Variants in CAPS2 observed in about 807,000 individuals in gnomAD.
The protein encoded by CAPS2 is calcyphosine 2, also known as calcyphosin-2.
In CAPS2, 98 loss-of-function variants were observed where a neutral mutation model predicts 86.5. The ratio of observed to expected loss-of-function variants is 1.13; its 90% CI spans 0.96 to 1.34. CAPS2 has a LOEUF of 1.34. Among genes scored for constraint, CAPS2 ranks in the 40% most tolerant of loss-of-function variants. CAPS2 has a pLI of 0.00. For missense variants in CAPS2, 729 were observed against 686.8 expected (o/e 1.06, Z -0.69); for synonymous variants, 210 against 225.1 (o/e 0.93, Z 0.60).
rs550257054 is a variant in CAPS2, at chr12:75,300,677, G to C, written c.780-766C>G. Among the ~76,000 whole-genome samples the C allele has an allele frequency of 1.4e-3, 209 of 151,200 alleles. No individual in the cohort carries two copies. In the Middle Eastern group the frequency reaches 0.042, roughly 30 times the overall value. Reference sequence around the variant, plus strand: ...GAAAGACTTTCTTTTGTCCTGGTAAGAGAGTGGCATGAGAAGAGTTCCTGC... The same window carrying C: ...GAAAGACTTTCTTTTGTCCTGGTAACAGAGTGGCATGAGAAGAGTTCCTGC... On this transcript the variant is annotated intron_variant, in intron 8 of 16. Coordinates refer to ENST00000393284, the Ensembl canonical transcript of CAPS2.
chr12:75,335,467 G>T (rs550292618), intron 1 of CAPS2, among the ~76,000 whole-genome samples: 2 of 152,266 alleles, frequency 1.3e-5, no homozygotes, highest in South Asian at 4.1e-4. Context: ...TGAATTGTAT[G>T]ATTGGAAATT....
At chr12:75,318,231 G>A (rs1279851142) in intron 5 of CAPS2, 1 of 151,970 alleles carries the variant, frequency 6.6e-6, no homozygotes, top group Non-Finnish European at 1.5e-5. Flanking sequence ...TCAACAATAT[G>A]ACTTTGTGAG....
At chr12:75,371,573 A>C (rs2139716508) in intron 1 of CAPS2, 1 of 207,596 alleles carries the variant, frequency 4.8e-6, no homozygotes, top group South Asian at 5.4e-5. Flanking sequence ...ATAATCTCCA[A>C]ATAAAGACAA....
chr12:75,312,913 T>C (rs1289707881), exon 7 of CAPS2: 1 of 1,599,726 alleles, frequency 6.3e-7, no homozygotes, highest in African/African-American at 1.3e-5. Flanking sequence ...CAGCCACAAT[T>C]TCCTGGGAAG....
At chr12:75,360,780 TTTCTTTCCACACTGCCCTAG>T (rs949474040) in intron 1 of CAPS2, 2 of 152,150 alleles carry the variant, frequency 1.3e-5, no homozygotes, top group Non-Finnish European at 2.9e-5. Flanking sequence ...AACCCCACCT[TTTCTTTCCACACTGCCCTAG>T]TAGAGGTTCT....
chr12:75,280,670 T>G (rs1215127601), intron 16 of CAPS2, among the ~76,000 whole-genome samples: 1 of 151,866 alleles, frequency 6.6e-6, no homozygotes, highest in Non-Finnish European at 1.5e-5. Flanking sequence ...CTAGCAACAA[T>G]TAAACATACA....
intron 11 of CAPS2, chr12:75,295,119 G>A (rs548045702): frequency 9.2e-5 from 14 of 152,238 alleles, no homozygotes; most frequent in Admixed American, 2.6e-4. Context: ...GTGTAACAGC[G>A]AGACCATGTC....
At chr12:75,336,476 T>C (rs935949326) in intron 1 of CAPS2, among the ~76,000 whole-genome samples, 3 of 151,760 alleles carry the variant, frequency 2.0e-5, no homozygotes, top group Non-Finnish European at 4.4e-5. Context: ...AAAAAATACA[T>C]TATGCAAACT....
downstream of CAPS2, chr12:75,276,558 A>G (rs755851235): frequency 3.3e-5 from 32 of 978,868 alleles, no homozygotes; most frequent in Non-Finnish European, 3.8e-5. Flanking sequence ...GTTTAACTAT[A>G]ATGTGATTGC....
intron 1 of CAPS2, among the ~76,000 whole-genome samples, chr12:75,348,543 TTTCTC>T (rs1244296391): frequency 1.3e-5 from 2 of 152,226 alleles, no homozygotes; most frequent in Admixed American, 6.5e-5. Context: ...ATTATCATCT[TTTCTC>T]TTAAGGAGAC....
intron 4 of CAPS2, chr12:75,322,846 A>C (rs1394428648): frequency 8.5e-6 from 5 of 590,296 alleles, no homozygotes; most frequent in Non-Finnish European, 1.5e-5. Flanking sequence ...ACAAGTAAAA[A>C]TTATTTCACC....
chr12:75,319,467 G>A (rs996483215), intron 5 of CAPS2, among the ~76,000 whole-genome samples: 9 of 151,950 alleles, frequency 5.9e-5, no homozygotes, highest in Admixed American at 1.3e-4. Context: ...TTGATCTTCC[G>A]TCATAAGTAA....
At chr12:75,337,731 C>T (rs182633244) in intron 1 of CAPS2, among the ~76,000 whole-genome samples, 147 of 151,958 alleles carry the variant, frequency 9.7e-4, no homozygotes, top group African/African-American at 3.1e-3. Context: ...TATTACATTC[C>T]GTACTATGTG....
At chr12:75,372,509 A>G (rs1593890647) in intron 1 of CAPS2, among the ~76,000 whole-genome samples, 1 of 152,142 alleles carries the variant, frequency 6.6e-6, no homozygotes, top group East Asian at 1.9e-4. Flanking sequence ...GCAGAACGTA[A>G]TGTCATGGGA....
At chr12:75,290,584 G>A (rs868859063) in intron 13 of CAPS2, among the ~76,000 whole-genome samples, 4 of 152,178 alleles carry the variant, frequency 2.6e-5, no homozygotes, top group African/African-American at 9.6e-5. Flanking sequence ...CTTACTGTGA[G>A]CCCCTTATCT....
upstream of CAPS2, chr12:75,329,805 C>T: frequency 7.8e-6 from 12 of 1,529,434 alleles, no homozygotes; most frequent in Non-Finnish European, 9.7e-6. Flanking sequence ...TCCCCCTGCT[C>T]CCAAATTATA....
chr12:75,372,402 G>A (rs2044417831), intron 1 of CAPS2, among the ~76,000 whole-genome samples: 1 of 152,200 alleles, frequency 6.6e-6, no homozygotes, highest in Non-Finnish European at 1.5e-5. Flanking sequence ...GGAGCCCAGA[G>A]TAACCAGGTG....
Position 75,284,720 on chromosome 12 carries a change from C to T in CAPS2, c.1515+241G>A, listed in dbSNP as rs113257050. Among the ~76,000 whole-genome samples the T allele has an allele frequency of 1.3e-3, 195 of 152,056 alleles. 2 individuals carry two copies. Among genetic ancestry groups the T allele is most frequent in the African/African-American group, 4.4e-3 (182 of 41,516 alleles). On this transcript the variant is annotated intron_variant, in intron 15 of 16. Coordinates refer to ENST00000393284, the Ensembl canonical transcript of CAPS2. ...ACTTATGGAGCTAGTAATTTGTTAA[C>T]CAAAATTTGATTTCAAATTTTATTT...
upstream of CAPS2, chr12:75,326,581 T>C: frequency 6.3e-6 from 5 of 791,326 alleles, no homozygotes; most frequent in South Asian, 8.1e-5. Context: ...TAATTTTAAA[T>C]AAGTCATACA....
Sources: allele counts gnomAD v4.1 joint callset (sites outside exome capture counted in the v4.1 genomes callset), GRCh38; gene constraint gnomAD v4.1.1; transcripts MANE v1.5; gene names NCBI Gene and HGNC (gene_info 2026-07-23, HGNC 2026-07-21).